The following HYCC1 variants were observed in gnomAD, a reference collection of about 807,000 sequenced individuals.
HYCC1 encodes the protein hyccin PI4KA lipid kinase complex subunit 1.
At chr7:22,923,048 C>T in the HYCC1 span, among the ~76,000 whole-genome samples, 2 of 152,164 alleles carry the variant, frequency 1.3e-5, no homozygotes, top group Non-Finnish European at 2.9e-5. Flanking sequence ...TTAAAGAGCA[C>T]TACACACAAA....
chr7:22,966,907 A>T, the HYCC1 span, among the ~76,000 whole-genome samples: 2 of 152,316 alleles, frequency 1.3e-5, no homozygotes, highest in Non-Finnish European at 2.9e-5. Context: ...AACAAACTCA[A>T]GTTTTGTTTG....
At chr7:22,927,705 C>A in the HYCC1 span, among the ~76,000 whole-genome samples, 1 of 152,110 alleles carries the variant, frequency 6.6e-6, no homozygotes, top group Non-Finnish European at 1.5e-5. Context: ...AGCTTCCCAA[C>A]TAAAAAAAGT....
At chr7:22,900,912 G>A in the HYCC1 span, among the ~76,000 whole-genome samples, 1 of 151,982 alleles carries the variant, frequency 6.6e-6, no homozygotes, top group Admixed American at 6.6e-5. Flanking sequence ...ACACAAATAG[G>A]TTTGAAAGTA....
the HYCC1 span, chr7:22,976,595 TCA>T: frequency 2.5e-6 from 2 of 790,686 alleles, no homozygotes; most frequent in Non-Finnish European, 4.4e-6. Context: ...AAATAAATTG[TCA>T]CACACAACTC....
the HYCC1 span, among the ~76,000 whole-genome samples, chr7:22,924,161 G>C: frequency 7.1e-6 from 1 of 140,794 alleles, no homozygotes; most frequent in Non-Finnish European, 1.5e-5. Context: ...CTGGGTGACA[G>C]AGCGAGACTC....
the HYCC1 span, among the ~76,000 whole-genome samples, chr7:22,956,179 T>A: frequency 6.6e-6 from 1 of 151,782 alleles, no homozygotes; most frequent in East Asian, 1.9e-4. Flanking sequence ...CAGCCCTCAA[T>A]TTGTAGGTGA....
chr7:22,973,007 G>A, the HYCC1 span, among the ~76,000 whole-genome samples: 7 of 152,190 alleles, frequency 4.6e-5, no homozygotes, highest in Admixed American at 2.0e-4. Flanking sequence ...ATTTTTTCTG[G>A]TTGTATTTAT....
the HYCC1 span, among the ~76,000 whole-genome samples, chr7:22,928,555 G>C: frequency 6.6e-6 from 1 of 152,106 alleles, no homozygotes; most frequent in African/African-American, 2.4e-5. Context: ...GACAAACAGA[G>C]AGCCAAATCA....
chr7:22,953,168 C>T, the HYCC1 span, among the ~76,000 whole-genome samples: 43 of 151,650 alleles, frequency 2.8e-4, no homozygotes, highest in African/African-American at 9.4e-4. Flanking sequence ...TTGCAACATA[C>T]GGCCGCTGCA....
At chr7:22,912,835 G>A in the HYCC1 span, among the ~76,000 whole-genome samples, 1 of 152,180 alleles carries the variant, frequency 6.6e-6, no homozygotes, top group African/African-American at 2.4e-5. Context: ...GAAAGTGACA[G>A]CTAAGAAGTA....
the HYCC1 span, among the ~76,000 whole-genome samples, chr7:22,947,752 G>T: frequency 6.6e-6 from 1 of 151,966 alleles, no homozygotes; most frequent in South Asian, 2.1e-4. Context: ...TTTTTTATGA[G>T]GCTACATTGA....
At chr7:22,906,724 T>C in the HYCC1 span, among the ~76,000 whole-genome samples, 2 of 152,130 alleles carry the variant, frequency 1.3e-5, no homozygotes, top group Non-Finnish European at 2.9e-5. Flanking sequence ...TATATAAGGT[T>C]AGTACCTGAT....
At chr7:23,012,989 C>T in the HYCC1 span, among the ~76,000 whole-genome samples, 1 of 152,186 alleles carries the variant, frequency 6.6e-6, no homozygotes, top group Non-Finnish European at 1.5e-5. Flanking sequence ...TTCCCCCTAC[C>T]TGAAGAGCGC....
chr7:22,910,486 A>T, the HYCC1 span, among the ~76,000 whole-genome samples: 1 of 152,200 alleles, frequency 6.6e-6, no homozygotes, highest in Admixed American at 6.5e-5. Flanking sequence ...CTTTAATATT[A>T]TTCAGTCTCA....
At chr7:22,966,131 T>C in the HYCC1 span, among the ~76,000 whole-genome samples, 1 of 152,212 alleles carries the variant, frequency 6.6e-6, no homozygotes, top group Non-Finnish European at 1.5e-5. Context: ...AATCCCATTT[T>C]GCAATAAACA....
chr7:22,922,774 A>G, the HYCC1 span, among the ~76,000 whole-genome samples: 161 of 152,364 alleles, frequency 1.1e-3, 1 homozygote, highest in South Asian at 2.5e-3. Flanking sequence ...CCATACTAAT[A>G]TCAGACAAAA....
the HYCC1 span, among the ~76,000 whole-genome samples, chr7:23,001,314 A>C: frequency 1.2e-4 from 19 of 152,280 alleles, no homozygotes; most frequent in African/African-American, 4.3e-4. Flanking sequence ...GCCCAAGATC[A>C]CACACTACCA....
chr7:22,946,058 T>C, the HYCC1 span: 1 of 1,613,766 alleles, frequency 6.2e-7, no homozygotes, highest in Non-Finnish European at 8.5e-7. Flanking sequence ...GTGACTACTG[T>C]TTGATAAACC....
chr7:22,923,051 C>T, the HYCC1 span, among the ~76,000 whole-genome samples: 2 of 152,170 alleles, frequency 1.3e-5, no homozygotes, highest in Non-Finnish European at 2.9e-5. Flanking sequence ...AAGAGCACTA[C>T]ACACAAATTT....
Sources: allele counts gnomAD v4.1 joint callset (sites outside exome capture counted in the v4.1 genomes callset), GRCh38; gene constraint gnomAD v4.1.1; transcripts MANE v1.5; gene names NCBI Gene and HGNC (gene_info 2026-07-23, HGNC 2026-07-21).